Variants in AFG2A observed in about 807,000 individuals in gnomAD.
AFG2A encodes AAA ATPase AFG2A.
the AFG2A span, among the ~76,000 whole-genome samples, chr4:123,214,652 A>T: frequency 6.6e-6 from 1 of 152,038 alleles, no homozygotes; most frequent in Non-Finnish European, 1.5e-5. Context: ...CCATTTACTA[A>T]CATGAAATAT....
At chr4:123,047,410 ATTAT>A in the AFG2A span, among the ~76,000 whole-genome samples, 2 of 150,356 alleles carry the variant, frequency 1.3e-5, no homozygotes, top group Non-Finnish European at 3.0e-5. Flanking sequence ...TTTTTATTGG[ATTAT>A]TTATATTTGC....
chr4:123,219,257 C>T, the AFG2A span, among the ~76,000 whole-genome samples: 5 of 152,194 alleles, frequency 3.3e-5, no homozygotes, highest in African/African-American at 1.2e-4. Flanking sequence ...AGGAGGCAAG[C>T]GTCTGACACA....
chr4:123,134,942 A>G, the AFG2A span, among the ~76,000 whole-genome samples: 1 of 152,058 alleles, frequency 6.6e-6, no homozygotes, highest in Non-Finnish European at 1.5e-5. Context: ...CCAAAGCCAG[A>G]CAAAGACATT....
At chr4:123,234,449 G>A in the AFG2A span, among the ~76,000 whole-genome samples, 1 of 152,040 alleles carries the variant, frequency 6.6e-6, no homozygotes, top group East Asian at 1.9e-4. Flanking sequence ...TGAAAATATA[G>A]TAGGAACCCA....
the AFG2A span, among the ~76,000 whole-genome samples, chr4:123,230,837 C>T: frequency 6.6e-6 from 1 of 152,016 alleles, no homozygotes; most frequent in Non-Finnish European, 1.5e-5. Context: ...CACTAATCTA[C>T]ATCTCCATCA....
At chr4:122,957,631 C>T in the AFG2A span, among the ~76,000 whole-genome samples, 3 of 152,168 alleles carry the variant, frequency 2.0e-5, no homozygotes, top group Non-Finnish European at 2.9e-5. Context: ...TTTGGTGTTG[C>T]ATTCCACCTC....
the AFG2A span, among the ~76,000 whole-genome samples, chr4:123,004,998 A>G: frequency 2.0e-5 from 3 of 152,156 alleles, no homozygotes; most frequent in Non-Finnish European, 2.9e-5. Flanking sequence ...TTATGGCCAA[A>G]GAGTCATTCA....
chr4:123,122,239 A>G, the AFG2A span, among the ~76,000 whole-genome samples: 15 of 152,342 alleles, frequency 9.8e-5, no homozygotes, highest in Admixed American at 2.6e-4. Context: ...CTCCCCAGAT[A>G]TACAGATACT....
At chr4:123,020,697 AATTT>A in the AFG2A span, among the ~76,000 whole-genome samples, 1 of 152,098 alleles carries the variant, frequency 6.6e-6, no homozygotes, top group African/African-American at 2.4e-5. Context: ...TATCTTCTAA[AATTT>A]ATTTAATTTC....
chr4:122,953,063 A>C, the AFG2A span, among the ~76,000 whole-genome samples: 6 of 152,018 alleles, frequency 3.9e-5, no homozygotes, highest in Non-Finnish European at 8.8e-5. Flanking sequence ...TAACTCCTTA[A>C]CAATCCCTGT....
At chr4:123,073,770 A>G in the AFG2A span, among the ~76,000 whole-genome samples, 1 of 152,238 alleles carries the variant, frequency 6.6e-6, no homozygotes, top group Non-Finnish European at 1.5e-5. Flanking sequence ...AAACATTTAG[A>G]TGTATTGTTG....
chr4:123,131,178 T>C, the AFG2A span, among the ~76,000 whole-genome samples: 1 of 152,186 alleles, frequency 6.6e-6, no homozygotes, highest in Non-Finnish European at 1.5e-5. Flanking sequence ...TCTTAATCTG[T>C]AGCTTGTCTT....
the AFG2A span, among the ~76,000 whole-genome samples, chr4:123,188,891 A>C: frequency 6.6e-6 from 1 of 152,226 alleles, no homozygotes; most frequent in Non-Finnish European, 1.5e-5. Context: ...AAAGTCATTA[A>C]ACTTACAAGT....
At chr4:123,148,243 G>A in the AFG2A span, among the ~76,000 whole-genome samples, 2 of 152,152 alleles carry the variant, frequency 1.3e-5, no homozygotes, top group African/African-American at 4.8e-5. Flanking sequence ...TCTTTTTTAA[G>A]TATACATACA....
At chr4:123,278,624 C>A in the AFG2A span, among the ~76,000 whole-genome samples, 113 of 152,230 alleles carry the variant, frequency 7.4e-4, no homozygotes, top group African/African-American at 2.6e-3. Flanking sequence ...ACTGCCTTAG[C>A]GGTGTCCCAG....
chr4:123,050,595 C>A, the AFG2A span, among the ~76,000 whole-genome samples: 2 of 152,056 alleles, frequency 1.3e-5, no homozygotes, highest in Non-Finnish European at 2.9e-5. Flanking sequence ...GACTTAAAAT[C>A]TGTTTTATCT....
the AFG2A span, among the ~76,000 whole-genome samples, chr4:123,029,573 G>C: frequency 6.6e-6 from 1 of 152,108 alleles, no homozygotes; most frequent in African/African-American, 2.4e-5. Flanking sequence ...TAAAGATGGG[G>C]GAGGAGACCA....
At chr4:123,192,113 G>T in the AFG2A span, among the ~76,000 whole-genome samples, 11 of 151,032 alleles carry the variant, frequency 7.3e-5, no homozygotes, top group Non-Finnish European at 1.5e-4. Context: ...TGCAACCTCC[G>T]CCTCCTGGAC....
chr4:122,986,040 A>G, the AFG2A span, among the ~76,000 whole-genome samples: 1 of 152,002 alleles, frequency 6.6e-6, no homozygotes, highest in Non-Finnish European at 1.5e-5. Context: ...CCCAGCGCTC[A>G]TTCAGGAGCA....
Sources: allele counts gnomAD v4.1 joint callset (sites outside exome capture counted in the v4.1 genomes callset), GRCh38; gene constraint gnomAD v4.1.1; transcripts MANE v1.5; gene names NCBI Gene and HGNC (gene_info 2026-07-23, HGNC 2026-07-21).